The following ZNF730 variants were observed in gnomAD, a reference collection of about 807,000 sequenced individuals.
ZNF730 encodes putative zinc finger protein 730.
ZNF730 carries 12 observed loss-of-function variants against 12.6 expected under a neutral mutation model. The ratio of observed to expected loss-of-function variants is 0.95; its 90% CI spans 0.61 to 1.54. ZNF730 has a LOEUF of 1.54. Among genes scored for constraint, ZNF730 ranks in the 40% most tolerant of loss-of-function variants. ZNF730 has a pLI of 0.00. For missense variants in ZNF730, 643 were observed against 583.5 expected (o/e 1.10, Z -1.05); for synonymous variants, 194 against 195.8 (o/e 0.99, Z 0.08).
In ZNF730 at chr19:23,099,740, C is replaced by T. The variant is rs147084061; in HGVS notation, c.-94+24353C>T. Among the ~76,000 whole-genome samples the T allele has an allele frequency of 8.8e-4, 134 of 152,306 alleles. 1 individual carries two copies. Among genetic ancestry groups the T allele is most frequent in the Non-Finnish European group, 1.7e-3 (113 of 68,036 alleles). On this transcript the variant is annotated intron_variant, in intron 1 of 2. Coordinates refer to the ZNF730 transcript ENST00000593635. ...TTGACTCTCATTCCTTGACTCAAGA[C>T]CTTGTCATTTTTAATGTCACCAAAA...
At position 23,109,690 on chromosome 19, in the gene ZNF730, G is replaced by T. The variant is rs1047658221; in HGVS notation, c.-93-24390G>T. ...AGGCTCCCCAAGTGCTGGGATTACAGGTGTGAGCCACTGCGCCTAGCCTAA... is the reference window on the plus strand; with the variant it reads ...AGGCTCCCCAAGTGCTGGGATTACATGTGTGAGCCACTGCGCCTAGCCTAA... On this transcript the variant is annotated intron_variant, in intron 1 of 2. Coordinates refer to the ZNF730 transcript ENST00000593635. Among the ~76,000 whole-genome samples, 83 of 152,136 alleles carry T rather than the reference G, an allele frequency of 5.5e-4. 1 individual carries two copies. The highest frequency in any genetic ancestry group is 1.3e-4 in the Non-Finnish European group (9 of 68,028).
At chr19:23,084,548 G>A (rs1970024871) in intron 1 of ZNF730, among the ~76,000 whole-genome samples, 2 of 152,044 alleles carry the variant, frequency 1.3e-5, no homozygotes, top group African/African-American at 2.4e-5. Context: ...GTGTCATATG[G>A]GTTTGTTGTA....
At chr19:23,114,313 T>TTC (rs1360931121), upstream of ZNF730, among the ~76,000 whole-genome samples, 1 of 117,030 alleles carries the variant, frequency 8.5e-6, no homozygotes, top group African/African-American at 3.3e-5. Context: ...TTCTTTTTTT[T>TTC]TTTTTTTTTT....
chr19:23,115,010 G>A (rs1206847864), upstream of ZNF730, among the ~76,000 whole-genome samples: 5 of 152,052 alleles, frequency 3.3e-5, no homozygotes, highest in East Asian at 7.7e-4. Context: ...GAACTGCTGA[G>A]CTCAAGTTAT....
At chr19:23,135,211 G>A in intron 2 of ZNF730, among the ~76,000 whole-genome samples, 1 of 50,258 alleles carries the variant, frequency 2.0e-5, no homozygotes, top group Non-Finnish European at 3.3e-5. Flanking sequence ...AAACACCCAA[G>A]AATGATCAAT....
At chr19:23,107,498 T>G (rs530365585) in intron 1 of ZNF730, among the ~76,000 whole-genome samples, 2 of 149,610 alleles carry the variant, frequency 1.3e-5, no homozygotes, top group South Asian at 2.1e-4. Flanking sequence ...TGTTTTTTGT[T>G]ATTTTTTTAA....
rs1970538683 is a variant in ZNF730, at chr19:23,117,096, CCAGCCTGTG to C, written c.-77_-69del. 6.2e-7 allele frequency: 1 copy of C among 1,609,248 alleles called. No homozygotes were observed. The highest frequency in any genetic ancestry group is 8.5e-7 in the Non-Finnish European group (1 of 1,176,436). ...CTTTGTGTCCTCTGCACGTAGAAGC[CCAGCCTGTG>C]TGGCCCTGCGACCTGCGGGTATTGG... is the stretch of plus-strand genomic sequence containing the variant. On this transcript the variant is annotated 5_prime_UTR_variant, in exon 1 of 4. Transcript: ENST00000597761.
At chr19:23,090,414 G>A (rs1276269870) in intron 1 of ZNF730, among the ~76,000 whole-genome samples, 1 of 152,132 alleles carries the variant, frequency 6.6e-6, no homozygotes, top group Non-Finnish European at 1.5e-5. Flanking sequence ...GGTATCTGGT[G>A]GAAGAAATTT....
chr19:23,142,198 A>C (rs960643617), intron 3 of ZNF730, among the ~76,000 whole-genome samples: 2 of 152,174 alleles, frequency 1.3e-5, no homozygotes, highest in Non-Finnish European at 2.9e-5. Flanking sequence ...AAAACATGAT[A>C]GTTTTTAACT....
rs1970828004 is a variant in ZNF730, at chr19:23,136,047, G to C, written c.226+4G>C. On this transcript the variant is annotated splice_donor_region_variant and intron_variant, in intron 3 of 3. Transcript: ENST00000597761. ...GATATGGTAGCCAAACCCCCAGGTAGGTGACAGTAAATACAATACACAAAA... is the reference window on the plus strand; with the variant it reads ...GATATGGTAGCCAAACCCCCAGGTACGTGACAGTAAATACAATACACAAAA... 1 of 1,588,636 alleles carries C rather than the reference G, an allele frequency of 6.3e-7. No individual in the cohort carries two copies. Among genetic ancestry groups the C allele is most frequent in the Non-Finnish European group, 8.6e-7 (1 of 1,168,250 alleles).
intron 1 of ZNF730, among the ~76,000 whole-genome samples, chr19:23,104,338 G>A (rs748248272): frequency 2.0e-5 from 3 of 150,912 alleles, no homozygotes; most frequent in Non-Finnish European, 2.9e-5. Flanking sequence ...GGACTCATGA[G>A]GAGCTAAAAT....
chr19:23,140,479 C>T (rs181317709), intron 3 of ZNF730, among the ~76,000 whole-genome samples: 270 of 151,518 alleles, frequency 1.8e-3, no homozygotes, highest in African/African-American at 6.3e-3. Flanking sequence ...AGTGTAGTGG[C>T]GTGCACCTGT....
At chr19:23,140,492 T>G (rs1160673994) in intron 3 of ZNF730, among the ~76,000 whole-genome samples, 2 of 150,572 alleles carry the variant, frequency 1.3e-5, no homozygotes, top group African/African-American at 4.9e-5. Context: ...GCACCTGTAA[T>G]CCCAGCTACT....
chr19:23,119,694 G>GT (rs1429536307), intron 1 of ZNF730, among the ~76,000 whole-genome samples: 10 of 152,256 alleles, frequency 6.6e-5, no homozygotes, highest in African/African-American at 2.4e-4. Context: ...GTGCACACCT[G>GT]TAATCCCAGC....
At chr19:23,124,799 T>G (rs1970641575) in intron 1 of ZNF730, among the ~76,000 whole-genome samples, 1 of 152,212 alleles carries the variant, frequency 6.6e-6, no homozygotes, top group Non-Finnish European at 1.5e-5. Context: ...ATAAACTGAT[T>G]GCTTTCATTT....
At chr19:23,091,362 C>T (rs1047683731) in intron 1 of ZNF730, among the ~76,000 whole-genome samples, 1 of 152,176 alleles carries the variant, frequency 6.6e-6, no homozygotes, top group Non-Finnish European at 1.5e-5. Context: ...GGGGTCAGAG[C>T]CCCCACACAG....
chr19:23,078,427 A>G (rs1052007861), intron 1 of ZNF730, among the ~76,000 whole-genome samples: 2 of 152,152 alleles, frequency 1.3e-5, no homozygotes, highest in Non-Finnish European at 2.9e-5. Flanking sequence ...TTAATGCACC[A>G]GAGATGTTTA....
At chr19:23,100,157 C>T (rs912963308) in intron 1 of ZNF730, 5 of 152,118 alleles carry the variant, frequency 3.3e-5, no homozygotes, top group Non-Finnish European at 5.9e-5. Flanking sequence ...TCACTGAGGT[C>T]GAACGCCCAG....
At position 23,076,037 on chromosome 19, in the gene ZNF730, T is replaced by A. The variant is rs559881999; in HGVS notation, c.-94+650T>A. On this transcript the variant is annotated intron_variant, in intron 1 of 2. Transcript: ENST00000593635. ...GGACTCGTTTTCCTCTGTGCCTTCC[T>A]AATGTGTGGCAAGCAGGGCTCTAAT... is the stretch of plus-strand genomic sequence containing the variant. Among the ~76,000 whole-genome samples the A allele has an allele frequency of 2.2e-4, 31 of 144,080 alleles. No homozygotes were observed. In the East Asian group the frequency reaches 6.0e-3, roughly 28 times the overall value. The allele number at this position is 144,080 out of a possible 152,430, so 94.5% of individuals were successfully genotyped here.
Sources: allele counts gnomAD v4.1 joint callset (sites outside exome capture counted in the v4.1 genomes callset), GRCh38; gene constraint gnomAD v4.1.1; transcripts MANE v1.5; gene names NCBI Gene and HGNC (gene_info 2026-07-23, HGNC 2026-07-21).